EVI5: variants seen among roughly 807,000 people sequenced by gnomAD.
The protein encoded by EVI5 is ecotropic viral integration site 5 protein homolog.
EVI5 carries 73 observed loss-of-function variants against 112.0 expected under a neutral mutation model. The ratio of observed to expected loss-of-function variants is 0.65; its 90% confidence interval spans 0.54 to 0.79. The LOEUF (loss-of-function observed/expected upper bound fraction) is 0.79, where lower values mean the gene tolerates loss of function less well. Among genes scored for constraint, EVI5 ranks in the 30% least tolerant of loss-of-function variants. The pLI, the probability that EVI5 is intolerant of heterozygous loss-of-function variation, is 0.00. For missense variants in EVI5, 900 were observed against 968.8 expected, an observed-to-expected ratio of 0.93 and a Z score of 0.94; for synonymous variants, 305 against 319.9, an observed-to-expected ratio of 0.95 and a Z score of 0.50.
chr1:92,671,294 T>C (rs1232368792), intron 10 of EVI5, among the ~76,000 whole-genome samples: 1 of 152,178 alleles, frequency 6.6e-6, no homozygotes, highest in Non-Finnish European at 1.5e-5. Context: ...AATCCTTCTC[T>C]CTTTCTCACT....
At chr1:92,735,652 A>ACATAT (rs3042601) in intron 2 of EVI5, among the ~76,000 whole-genome samples, 3 of 142,318 alleles carry the variant, frequency 2.1e-5, no homozygotes, top group South Asian at 4.3e-4. Context: ...ATATATATAT[A>ACATAT]ATTATATAAT....
chr1:92,694,592 C>A (rs542093390), intron 7 of EVI5, among the ~76,000 whole-genome samples: 84 of 152,244 alleles, frequency 5.5e-4, no homozygotes, highest in African/African-American at 2.0e-3. Flanking sequence ...CACTACAACC[C>A]TAAAGCAGAC....
intron 13 of EVI5, among the ~76,000 whole-genome samples, chr1:92,637,326 C>T (rs1229916628): frequency 2.0e-5 from 3 of 149,482 alleles, no homozygotes; most frequent in African/African-American, 7.4e-5. Context: ...TGCAGTAAGC[C>T]AAGATCATGC....
chr1:92,582,871 C>G (rs1672163982), intron 18 of EVI5, among the ~76,000 whole-genome samples: 1 of 152,134 alleles, frequency 6.6e-6, no homozygotes, highest in Non-Finnish European at 1.5e-5. Flanking sequence ...ATCCTCTACT[C>G]TTTTGCACCA....
rs1182768598 is a variant in EVI5, at chr1:92,665,979, T to A, written c.1172A>T (p.Glu391Val). The change falls in exon 11 of 20, where the codon GAA becomes GTA. Residue 391 changes from glutamate (E) to valine (V), a missense_variant. By Grantham distance (121) the Glu-to-Val change is moderately radical. Coordinates refer to ENST00000684568, the MANE Select transcript of EVI5 (RefSeq NM_001350197.2). ...EQVEIKRLRT[E>V]NRLLKQRIET... is the part of the protein sequence containing the mutation. ...GATGCGCTGTTTTAAAAGTCTATTT[T>A]CTGTGCGTAACCTCTGCCAAGAAAA... is the stretch of plus-strand genomic sequence containing the variant. 3.7e-6 allele frequency: 6 copies of A among 1,607,090 alleles called. No homozygotes were observed. The highest frequency in any genetic ancestry group is 5.1e-6 in the Non-Finnish European group (6 of 1,177,350).
intron 19 of EVI5, among the ~76,000 whole-genome samples, chr1:92,542,028 C>G (rs1664897699): frequency 6.6e-6 from 1 of 152,132 alleles, no homozygotes; most frequent in African/African-American, 2.4e-5. Flanking sequence ...TAAAGTAAGA[C>G]AACAATAAAG....
intron 1 of EVI5, among the ~76,000 whole-genome samples, chr1:92,757,640 A>G (rs1379609469): frequency 6.6e-6 from 1 of 151,978 alleles, no homozygotes; most frequent in African/African-American, 2.4e-5. Flanking sequence ...GGTAGCTCAC[A>G]CTTGTAATCC....
intron 19 of EVI5, among the ~76,000 whole-genome samples, chr1:92,521,826 G>A (rs1660986999): frequency 1.3e-5 from 2 of 152,028 alleles, no homozygotes; most frequent in Non-Finnish European, 2.9e-5. Context: ...ACTGGAAATT[G>A]TCAAAAAATG....
intron 17 of EVI5, among the ~76,000 whole-genome samples, chr1:92,605,675 A>G (rs917439846): frequency 2.6e-5 from 4 of 151,780 alleles, no homozygotes; most frequent in African/African-American, 9.7e-5. Flanking sequence ...TTATGAAAAA[A>G]CTCCAGGGTT....
chr1:92,785,970 C>A (rs957331854), upstream of EVI5, among the ~76,000 whole-genome samples: 12 of 151,670 alleles, frequency 7.9e-5, no homozygotes, highest in Non-Finnish European at 1.5e-4. Context: ...CCTGTACTCC[C>A]AGCCAAGCTA....
intron 19 of EVI5, among the ~76,000 whole-genome samples, chr1:92,533,519 T>G (rs1301344398): frequency 2.6e-5 from 4 of 151,996 alleles, no homozygotes; most frequent in Admixed American, 2.6e-4. Flanking sequence ...TGAACATTGG[T>G]GTGAAAATCC....
intron 10 of EVI5, among the ~76,000 whole-genome samples, chr1:92,670,654 CAAT>C (rs1457268588): frequency 6.6e-6 from 1 of 152,110 alleles, no homozygotes; most frequent in Non-Finnish European, 1.5e-5. Flanking sequence ...TGGTTCTTAG[CAAT>C]AATAATGTCC....
rs1436202268 is a variant in EVI5 at position 92,509,084 on chromosome 1, G to A, written c.*4572C>T. On this transcript the variant is annotated 3_prime_UTR_variant, in exon 20 of 20. Transcript: ENST00000684568. The stretch of plus-strand genomic sequence containing the variant: ...ATGAAATGTTCGCTGTCAATGTCTG[G>A]TATGTTAATATACATTAATCAAGCT... 1 of 152,074 alleles carries A rather than the reference G, an allele frequency of 6.6e-6. No individual in the cohort carries two copies. The highest frequency in any genetic ancestry group is 1.5e-5 in the Non-Finnish European group (1 of 67,994). 9.4% of individuals were successfully genotyped at this position (152,074 alleles called of 1,614,324 possible).
chr1:92,569,472 G>A (rs1336541877), intron 18 of EVI5, among the ~76,000 whole-genome samples: 1 of 152,116 alleles, frequency 6.6e-6, no homozygotes, highest in Non-Finnish European at 1.5e-5. Flanking sequence ...ACGGCACTAA[G>A]CTAATGACTC....
intron 19 of EVI5, among the ~76,000 whole-genome samples, chr1:92,550,781 AAT>A (rs1330757944): frequency 0.038 from 768 of 20,302 alleles, 14 homozygotes; most frequent in Non-Finnish European, 0.04. Context: ...AAAAAAAAAA[AAT>A]ATATATATAT....
At chr1:92,603,891 T>C (rs990821182) in intron 18 of EVI5, among the ~76,000 whole-genome samples, 3 of 151,912 alleles carry the variant, frequency 2.0e-5, no homozygotes, top group Non-Finnish European at 4.4e-5. Flanking sequence ...CACCACCAGG[T>C]CCAACTAATT....
chr1:92,768,457 T>C (rs1682961218), intron 1 of EVI5, among the ~76,000 whole-genome samples: 1 of 152,218 alleles, frequency 6.6e-6, no homozygotes, highest in Admixed American at 6.5e-5. Context: ...GTAGGTATTC[T>C]GTCTAAAGTC....
chr1:92,786,246 A>G (rs1685630137), upstream of EVI5, among the ~76,000 whole-genome samples: 1 of 151,998 alleles, frequency 6.6e-6, no homozygotes, highest in Non-Finnish European at 1.5e-5. Context: ...AAAAAAAAAA[A>G]AAAAAAAACC....
intron 1 of EVI5, among the ~76,000 whole-genome samples, chr1:92,792,015 A>T (rs896995767): frequency 6.6e-6 from 1 of 152,238 alleles, no homozygotes; most frequent in Non-Finnish European, 1.5e-5. Context: ...GAATGTGTAT[A>T]TTCAAAGAAA....
Sources: allele counts gnomAD v4.1 joint callset (sites outside exome capture counted in the v4.1 genomes callset), GRCh38; gene constraint gnomAD v4.1.1; transcripts MANE v1.5; gene names NCBI Gene and HGNC (gene_info 2026-07-23, HGNC 2026-07-21).